The following SHROOM3 variants were observed in gnomAD, a reference collection of about 807,000 sequenced individuals.
SHROOM3 encodes shroom family member 3, also known as protein Shroom3.
In SHROOM3, 47 loss-of-function variants were observed where a neutral mutation model predicts 138.6. The ratio of observed to expected loss-of-function variants is 0.34; its 90% CI spans 0.27 to 0.43. The LOEUF is 0.43. SHROOM3 is among the 20% of genes least tolerant of loss of function. The probability of loss-of-function intolerance (pLI) is 1.00; values close to 1 mark genes in which losing one functional copy is unlikely to be tolerated. For synonymous variants in SHROOM3, 1,062 were observed against 1,063.3 expected, an observed-to-expected ratio of 1.00 and a Z score of 0.02; for missense variants, 2,491 against 2,596.5, an observed-to-expected ratio of 0.96 and a Z score of 0.88.
At chr4:76,689,719 G>T in intron 2 of SHROOM3, 10 of 985,650 alleles carry the variant, frequency 1.0e-5, no homozygotes, top group Non-Finnish European at 1.1e-5. Flanking sequence ...GAGGAGGGCG[G>T]CTGGGCACGG....
At chr4:76,436,664 A>G (rs1054219090) in intron 1 of SHROOM3, among the ~76,000 whole-genome samples, 1 of 152,212 alleles carries the variant, frequency 6.6e-6, no homozygotes, top group African/African-American at 2.4e-5. Flanking sequence ...CATAAATACC[A>G]TGTGTTGCTT....
intron 2 of SHROOM3, among the ~76,000 whole-genome samples, chr4:76,558,715 G>T (rs1733539079): frequency 6.6e-6 from 1 of 152,300 alleles, no homozygotes; most frequent in East Asian, 1.9e-4. Context: ...TGAAAAGTAT[G>T]CCATATGGAC....
At chr4:76,672,419 C>CA (rs35488837) in intron 2 of SHROOM3, among the ~76,000 whole-genome samples, 7,375 of 127,200 alleles carry the variant, frequency 0.058, 629 homozygotes, top group African/African-American at 0.19. Flanking sequence ...AATTAGGGAC[C>CA]AAAAAAAAAA....
intron 2 of SHROOM3, among the ~76,000 whole-genome samples, chr4:76,708,732 G>A (rs1353219423): frequency 1.3e-5 from 2 of 152,118 alleles, no homozygotes; most frequent in East Asian, 3.9e-4. Context: ...CTGCTCAGTG[G>A]GTAGAGCCAG....
intron 4 of SHROOM3, among the ~76,000 whole-genome samples, chr4:76,736,856 T>C (rs935247027): frequency 7.2e-5 from 11 of 152,110 alleles, no homozygotes; most frequent in Non-Finnish European, 1.2e-4. Flanking sequence ...ATGCACAGCC[T>C]CCTCCATTTT....
intron 9 of SHROOM3, among the ~76,000 whole-genome samples, chr4:76,763,930 A>G (rs1722067973): frequency 6.6e-6 from 1 of 152,232 alleles, no homozygotes; most frequent in South Asian, 2.1e-4. Context: ...GATGGTTTAG[A>G]AAAATGATAC....
chr4:76,510,711 C>T (rs1435116480), intron 1 of SHROOM3, among the ~76,000 whole-genome samples: 2 of 152,086 alleles, frequency 1.3e-5, no homozygotes, highest in African/African-American at 4.8e-5. Context: ...CTTCAATGGC[C>T]TTAGTTGTTG....
intron 1 of SHROOM3, 97 bp downstream of exon 1, chr4:76,436,317 A>G: frequency 7.2e-7 from 1 of 1,394,666 alleles, no homozygotes; most frequent in Non-Finnish European, 1.0e-6. Context: ...GCCTTAATAT[A>G]ACTTAATTTG....
At chr4:76,459,123 A>T (rs1202562005) in intron 1 of SHROOM3, among the ~76,000 whole-genome samples, 1 of 152,110 alleles carries the variant, frequency 6.6e-6, no homozygotes, top group African/African-American at 2.4e-5. Flanking sequence ...AAGAATAGGG[A>T]TGTTTTTTCC....
intron 2 of SHROOM3, among the ~76,000 whole-genome samples, chr4:76,605,644 C>T (rs1438752449): frequency 6.6e-6 from 1 of 151,202 alleles, no homozygotes; most frequent in Non-Finnish European, 1.5e-5. Context: ...AGCTAAGTGA[C>T]AACAAAGGGA....
rs185478264 is a variant in SHROOM3 at position 76,560,282 on chromosome 4, C to A, written c.323+4519C>A. ...TCATCCCTGAGGGTAATGGAAGTTG[C>A]GTTTAGTATAAGGAATGCTCACTGC... On this transcript the variant is annotated intron_variant, in intron 2 of 10. Transcript: ENST00000296043. Among the ~76,000 whole-genome samples the A allele has an allele frequency of 2.6e-5, 4 of 152,050 alleles. No homozygotes were observed. In the South Asian group the frequency reaches 6.2e-4, roughly 24 times the overall value.
intron 2 of SHROOM3, among the ~76,000 whole-genome samples, chr4:76,643,496 T>C (rs1735734400): frequency 6.6e-6 from 1 of 152,124 alleles, no homozygotes; most frequent in South Asian, 2.1e-4. Context: ...AGCAGGTTCA[T>C]GGGAAGATTT....
chr4:76,751,380 T>TTTACA (rs1721618080), intron 6 of SHROOM3, among the ~76,000 whole-genome samples: 1 of 152,210 alleles, frequency 6.6e-6, no homozygotes, highest in Non-Finnish European at 1.5e-5. Flanking sequence ...AAATTCAGAC[T>TTTACA]TTACATTAGT....
rs942107102 is a variant in SHROOM3, at chr4:76,779,917, C to G, written c.*740C>G. ...CTGCTCCCCTCCTGTCTCACACCTT[C>G]CCCAGGAGGAAGGCCTCATGCACTG... On this transcript the variant is annotated 3_prime_UTR_variant, in exon 11 of 11. Coordinates refer to ENST00000296043, the MANE Select transcript of SHROOM3 (RefSeq NM_020859.4). 1.8e-4 allele frequency: 28 copies of G among 152,650 alleles called. No individual in the cohort carries two copies. The highest frequency in any genetic ancestry group is 6.8e-4 in the African/African-American group (28 of 41,460). 9.5% of individuals were successfully genotyped at this position (152,650 alleles called of 1,614,324 possible). A position where few individuals can be genotyped will look rare whatever the true frequency, so the allele number is the denominator to read the frequency against.
chr4:76,579,989 T>C (rs1734016905), intron 2 of SHROOM3, among the ~76,000 whole-genome samples: 1 of 152,234 alleles, frequency 6.6e-6, no homozygotes, highest in Non-Finnish European at 1.5e-5. Flanking sequence ...GTATCTCCTG[T>C]CACATTTCTT....
At chr4:76,587,055 A>T (rs2110046713) in intron 2 of SHROOM3, 1 of 152,322 alleles carries the variant, frequency 6.6e-6, no homozygotes, top group Middle Eastern at 3.4e-3. Flanking sequence ...AGAAGGTCGG[A>T]TTATAAATGC....
chr4:76,734,657 T>G (rs1720980143), intron 4 of SHROOM3, among the ~76,000 whole-genome samples: 1 of 152,104 alleles, frequency 6.6e-6, no homozygotes, highest in African/African-American at 2.4e-5. Context: ...ATTACAGGCG[T>G]GAGCCACCGT....
intron 2 of SHROOM3, among the ~76,000 whole-genome samples, chr4:76,608,336 A>G (rs1288585896): frequency 1.3e-5 from 2 of 152,068 alleles, no homozygotes; most frequent in Non-Finnish European, 2.9e-5. Context: ...CATTTTCCCC[A>G]TTACCTTAGA....
Position 76,770,720 on chromosome 4 carries a change from GA to G in SHROOM3, c.5445del (p.Glu1816LysfsTer6). On this transcript the variant is annotated frameshift_variant, in exon 10 of 11. Transcript: ENST00000296043. LOFTEE classifies it high-confidence loss of function. Reference sequence around the variant, plus strand: ...GACATCAAGCTCAACAACGCCCTGGGAGAAGAGGTGGAGGCTCTGATCAGCG... The same window carrying G: ...GACATCAAGCTCAACAACGCCCTGGGGAAGAGGTGGAGGCTCTGATCAGCG... ...LTDIKLNNAL[G>X]EEVEALISEL... 6.2e-7 allele frequency: 1 copy of G among 1,614,200 alleles called. No individual in the cohort carries two copies. The highest frequency in any genetic ancestry group is 8.5e-7 in the Non-Finnish European group (1 of 1,180,038).
Sources: allele counts gnomAD v4.1 joint callset (sites outside exome capture counted in the v4.1 genomes callset), GRCh38; gene constraint gnomAD v4.1.1; transcripts MANE v1.5; gene names NCBI Gene and HGNC (gene_info 2026-07-23, HGNC 2026-07-21).